VTCN1: variants seen among roughly 807,000 people sequenced by gnomAD.
VTCN1 encodes the protein V-set domain containing T cell activation inhibitor 1.
In VTCN1, 26 loss-of-function variants were observed where a neutral mutation model predicts 26.5. The observed-to-expected ratio is 0.98, with a 90% CI of 0.72 to 1.36. The LOEUF is 1.36. VTCN1 is among the 40% of genes most tolerant of loss of function. VTCN1 has a pLI of 0.00. For synonymous variants in VTCN1, 116 were observed against 130.7 expected (o/e 0.89, Z 0.77); for missense variants, 298 against 337.7 (o/e 0.88, Z 0.92).
chr1:117,145,435 G>T lies in VTCN1; in HGVS notation c.*46-210C>A, dbSNP rs2101412046. Among the ~76,000 whole-genome samples the T allele has an allele frequency of 6.6e-6, 1 of 152,254 alleles. No homozygotes were observed. Among genetic ancestry groups the T allele is most frequent in the East Asian group, 1.9e-4 (1 of 5,180 alleles). ...ATGGCTTGAATCTCTCCTTAACGGGGTATCATCCCAGTGGCAGTCTCAAGG... is the reference window on the plus strand; with the variant it reads ...ATGGCTTGAATCTCTCCTTAACGGGTTATCATCCCAGTGGCAGTCTCAAGG... On this transcript the variant is annotated intron_variant, in intron 5 of 5. Coordinates refer to ENST00000369458, the MANE Select transcript of VTCN1 (RefSeq NM_024626.4). The surrounding 1 kb of genome is among the most constrained non-coding windows in gnomAD (Gnocchi z 4.6).
In VTCN1 at chr1:117,156,579, G is replaced by T; in HGVS notation, c.440C>A (p.Thr147Asn). Residue 147 changes from threonine (T) to asparagine (N), a missense_variant, in exon 3 of 6, where the codon ACT (threonine) becomes AAT (asparagine). Transcript: ENST00000369458. ...TCTCTCCAAAAGTAACTCACCTCCA[G>T]TTTTATACTCAAGGTTAGCATTCCC... ...GKGNANLEYKTGAFSMPEVNV... is the reference protein window; with the variant it reads ...GKGNANLEYKNGAFSMPEVNV... 1 of 1,579,466 alleles carries T rather than the reference G, an allele frequency of 6.3e-7. No homozygotes were observed.
chr1:117,193,539 A>C (rs1220065249), intron 1 of VTCN1, among the ~76,000 whole-genome samples: 2 of 150,080 alleles, frequency 1.3e-5, no homozygotes, highest in Admixed American at 6.7e-5. Context: ...TCAATTCATC[A>C]AAAGGGTATA....
intron 1 of VTCN1, among the ~76,000 whole-genome samples, chr1:117,185,323 G>C (rs1362636649): frequency 2.0e-5 from 3 of 152,166 alleles, no homozygotes; most frequent in African/African-American, 7.2e-5. Flanking sequence ...TGCCATCTAG[G>C]CAATTTTTCT....
chr1:117,176,399 C>T (rs1178070062), intron 1 of VTCN1, among the ~76,000 whole-genome samples: 1 of 151,958 alleles, frequency 6.6e-6, no homozygotes, highest in Non-Finnish European at 1.5e-5. Flanking sequence ...AGGCTCCTGT[C>T]ACCTCCTCGA....
At chr1:117,172,210 T>C (rs1041587627) in intron 1 of VTCN1, among the ~76,000 whole-genome samples, 2 of 152,212 alleles carry the variant, frequency 1.3e-5, no homozygotes, top group African/African-American at 4.8e-5. Context: ...CTTTGCACTT[T>C]CTGCCCTGAA....
intron 1 of VTCN1, among the ~76,000 whole-genome samples, chr1:117,208,590 C>A (rs931099367): frequency 5.3e-5 from 8 of 152,194 alleles, no homozygotes; most frequent in African/African-American, 1.7e-4. Context: ...TGGAACTTAA[C>A]CCCCTCAGAG....
At chr1:117,165,670 G>C (rs1021139483) in intron 2 of VTCN1, among the ~76,000 whole-genome samples, 2 of 152,216 alleles carry the variant, frequency 1.3e-5, no homozygotes, top group Non-Finnish European at 2.9e-5. Context: ...CCAGAAGCCA[G>C]GCAGATTCCA....
chr1:117,172,562 C>T (rs1652976521), intron 1 of VTCN1: 2 of 485,836 alleles, frequency 4.1e-6, no homozygotes, highest in Non-Finnish European at 8.2e-6. Context: ...TAAAATACTT[C>T]ATCGCTCTGA....
At position 117,169,945 on chromosome 1, in the gene VTCN1, A is replaced by G. The variant is rs1652812924; in HGVS notation, c.97+162T>C. 6.6e-6 allele frequency among the ~76,000 whole-genome samples: 1 copy of G among 152,192 alleles called. No individual in the cohort carries two copies. The highest frequency in any genetic ancestry group is 1.5e-5 in the Non-Finnish European group (1 of 68,034). On this transcript the variant is annotated intron_variant, in intron 2 of 5. Coordinates refer to ENST00000369458, the MANE Select transcript of VTCN1 (RefSeq NM_024626.4). This position sits in a 1 kb window ranked among gnomAD's most constrained non-coding sequence, Gnocchi z 4.0. ...ATGAGGACACTGAAGTCGAGGACTT[A>G]ACTGACTAATGTAGAGAAAGCACAA...
At chr1:117,204,780 C>G (rs897626662) in intron 1 of VTCN1, among the ~76,000 whole-genome samples, 2 of 151,824 alleles carry the variant, frequency 1.3e-5, no homozygotes, top group Non-Finnish European at 2.9e-5. Flanking sequence ...GCAGGAGAAT[C>G]ACTTGAACAT....
At chr1:117,210,127 G>A (rs1649281359) in intron 1 of VTCN1, among the ~76,000 whole-genome samples, 1 of 152,098 alleles carries the variant, frequency 6.6e-6, no homozygotes, top group African/African-American at 2.4e-5. Context: ...CTGTTCTGAG[G>A]GAAAAAGAGG....
intron 1 of VTCN1, among the ~76,000 whole-genome samples, chr1:117,200,133 G>A (rs549248692): frequency 6.6e-6 from 1 of 152,300 alleles, no homozygotes; most frequent in South Asian, 2.1e-4. Flanking sequence ...CAGTCACAGT[G>A]GCTTATGCCT....
intron 1 of VTCN1, among the ~76,000 whole-genome samples, chr1:117,201,160 T>A (rs1648768331): frequency 6.6e-6 from 1 of 152,204 alleles, no homozygotes; most frequent in South Asian, 2.1e-4. Context: ...ATATAGAATA[T>A]ACTCTTGAGG....
intron 1 of VTCN1, among the ~76,000 whole-genome samples, chr1:117,207,610 C>T (rs1649126348): frequency 6.6e-6 from 1 of 152,148 alleles, no homozygotes; most frequent in South Asian, 2.1e-4. Context: ...CTGACCTCTC[C>T]TAGTTTTAGC....
intron 3 of VTCN1, 39 bp downstream of exon 3, chr1:117,156,535 T>G (rs184175416): frequency 6.6e-7 from 1 of 1,512,844 alleles, no homozygotes. Context: ...CTCAAATACT[T>G]TTGGTGCTTT....
rs1651551503 is a variant in VTCN1 at position 117,147,077 on chromosome 1, T to C, written c.*45+536A>G. 1.3e-5 allele frequency among the ~76,000 whole-genome samples: 2 copies of C among 152,182 alleles called. No homozygotes were observed. Among genetic ancestry groups the C allele is most frequent in the Admixed American group, 1.3e-4 (2 of 15,266 alleles). On this transcript the variant is annotated intron_variant, in intron 5 of 5. Coordinates refer to ENST00000369458, the MANE Select transcript of VTCN1 (RefSeq NM_024626.4). The surrounding 1 kb of genome is among the most constrained non-coding windows in gnomAD (Gnocchi z 4.6). Reference sequence around the variant, plus strand: ...TATGGGAGTATCGACTGGAACTTCATGATCTCAGCTTTATACACATTTCAT... The same window carrying C: ...TATGGGAGTATCGACTGGAACTTCACGATCTCAGCTTTATACACATTTCAT...
Position 117,172,331 on chromosome 1 carries a change from G to A in VTCN1, c.33-2160C>T, listed in dbSNP as rs80304915. ...AAGGTGCAGCCACAAGGCAGCAAGC[G>A]AAGCTTTAAATAATAGGGCATCTGC... On this transcript the variant is annotated intron_variant, in intron 1 of 5. Transcript: ENST00000369458. The A allele has an allele frequency of 8.7e-3, 4,507 of 518,578 alleles. 34 individuals carry two copies. Among genetic ancestry groups the A allele is most frequent in the Middle Eastern group, 0.017 (52 of 3,098 alleles). The allele number at this position is 518,578 out of a possible 1,614,324, so 32.1% of individuals were successfully genotyped here. A position where few individuals can be genotyped will look rare whatever the true frequency, so the allele number is the denominator to read the frequency against.
chr1:117,192,788 A>G (rs1648310217), intron 1 of VTCN1, among the ~76,000 whole-genome samples: 1 of 152,204 alleles, frequency 6.6e-6, no homozygotes, highest in South Asian at 2.1e-4. Flanking sequence ...AAGAGAAATG[A>G]ATCAAAGAAT....
At chr1:117,186,030 A>G (rs10047089) in intron 1 of VTCN1, among the ~76,000 whole-genome samples, 74,649 of 152,108 alleles carry the variant, frequency 0.49, 19,989 homozygotes, top group East Asian at 0.82. Flanking sequence ...TTAATTGATT[A>G]AGACCTGTCT....
Sources: gnomAD v4.1 joint callset for allele counts (sites outside exome capture counted in the v4.1 genomes callset) on GRCh38, gnomAD v4.1.1 for gene constraint, Gnocchi (gnomAD v3.1) non-coding constraint, MANE v1.5 for transcripts, NCBI Gene and HGNC (gene_info 2026-07-23, HGNC 2026-07-21) for gene names.